PKD1: variants seen among roughly 807,000 people sequenced by gnomAD.
PKD1 encodes the protein polycystin 1, transient receptor potential channel interacting, also known as polycystin-1.
In PKD1, 81 loss-of-function variants were observed where a neutral mutation model predicts 361.7. The observed-to-expected ratio is 0.22, with a 90% CI of 0.19 to 0.27. PKD1 has a LOEUF of 0.27. PKD1 is among the 10% of genes least tolerant of loss of function. The pLI, the probability that PKD1 is intolerant of heterozygous loss-of-function variation, is 1.00. For synonymous variants in PKD1, 3,615 were observed against 2,818.3 expected, an observed-to-expected ratio of 1.28 and a Z score of -8.95; for missense variants, 6,399 against 6,118.3, an observed-to-expected ratio of 1.05 and a Z score of -1.53.
Position 2,135,876 on chromosome 16 carries a change from C to G in PKD1, c.-187G>C. On this transcript the variant is annotated 5_prime_UTR_variant, in exon 1 of 46. Transcript: ENST00000262304. ...GCCGCTCCGGGAGCTCGGCCGCCCG[C>G]TCGGACGCTGGCGCTGCAGTGCGGG... The G allele has an allele frequency of 4.5e-6, 1 of 223,854 alleles. No homozygotes were observed. Among genetic ancestry groups the G allele is most frequent in the Non-Finnish European group, 7.4e-6 (1 of 134,952 alleles). 13.9% of individuals were successfully genotyped at this position (223,854 alleles called of 1,614,324 possible).
Position 2,109,732 on chromosome 16 carries a change from G to A in PKD1, c.5435C>T (p.Pro1812Leu), listed in dbSNP as rs2092451627. The change falls in exon 15 of 46, where the codon CCC (proline) becomes CTC (leucine). Residue 1812 changes from proline (P) to leucine (L), a missense_variant. Pro to Leu is a moderately conservative substitution (Grantham distance 98, BLOSUM62 -3). Transcript: ENST00000262304. ...VSGLSIRASEPGGSFVAAGSS... is the reference protein window; with the variant it reads ...VSGLSIRASELGGSFVAAGSS... ...CCCGGCCGCCACGAAGCTGCCTCCG[G>A]GCTCGCTGGCCCTGATGCTGAGGCC... The A allele has an allele frequency of 6.2e-7, 1 of 1,608,092 alleles. No homozygotes were observed. The highest frequency in any genetic ancestry group is 8.5e-7 in the Non-Finnish European group (1 of 1,178,710).
In PKD1 at chr16:2,088,879, GCGCACACA is replaced by G; in HGVS notation, c.*840_*847del. On this transcript the variant is annotated 3_prime_UTR_variant, in exon 46 of 46. Coordinates refer to ENST00000262304, the MANE Select transcript of PKD1 (RefSeq NM_001009944.3). ...ATACAGCACACTCGCGCGTGCGCGC[GCGCACACA>G]CACACACACACAGTCACCTTCCTCC... 1.5e-5 allele frequency: 7 copies of G among 469,666 alleles called. No individual in the cohort carries two copies. Among genetic ancestry groups the G allele is most frequent in the South Asian group, 2.1e-5 (1 of 47,394 alleles). The allele number at this position is 469,666 out of a possible 1,614,324, so 29.1% of individuals were successfully genotyped here.
intron 11 of PKD1, among the ~76,000 whole-genome samples, chr16:2,113,544 C>T (rs1466099514): frequency 1.3e-5 from 2 of 152,122 alleles, no homozygotes; most frequent in Non-Finnish European, 2.9e-5. Flanking sequence ...GTAAAGCAAA[C>T]CTAGTACCAG....
At position 2,090,809 on chromosome 16, in the gene PKD1, C is replaced by CTG. The variant is rs1357858283; in HGVS notation, c.12004-3_12004-2dup. 5.0e-6 allele frequency: 8 copies of CTG among 1,612,382 alleles called. No individual in the cohort carries two copies. The highest frequency in any genetic ancestry group is 1.6e-4 in the Middle Eastern group (1 of 6,062). ...GCACGAAGCGTAGCTGCTGGGCAGC[C>CTG]TGCGGACGAGAAATCTGTCTGCTTG... On this transcript the variant is annotated splice_acceptor_variant, in intron 43 of 45. Coordinates refer to ENST00000262304, the MANE Select transcript of PKD1 (RefSeq NM_001009944.3). LOFTEE classifies it high-confidence loss of function.
At chr16:2,127,174 A>G (rs1453806024) in intron 1 of PKD1, among the ~76,000 whole-genome samples, 1 of 152,190 alleles carries the variant, frequency 6.6e-6, no homozygotes, top group Admixed American at 6.5e-5. Context: ...TAACAGCAAG[A>G]ATGCAGCGGG....
chr16:2,092,075 A>ACGTCCC lies in PKD1; in HGVS notation c.11377_11382dup (p.Gly3793_Thr3794dup), dbSNP rs760723063. 2 of 1,612,724 alleles carry ACGTCCC rather than the reference A, an allele frequency of 1.2e-6. No homozygotes were observed. The highest frequency in any genetic ancestry group is 8.5e-7 in the Non-Finnish European group (1 of 1,179,978). On this transcript the variant is annotated inframe_insertion, in exon 40 of 46. Coordinates refer to ENST00000262304, the MANE Select transcript of PKD1 (RefSeq NM_001009944.3). The stretch of plus-strand genomic sequence containing the variant: ...AGCAGATCCGGCGCTGAATAGGCCC[A>ACGTCCC]CGTCCCCGAGCCATTGTGAGGACTC...
rs1254431315 is a variant in PKD1 at position 2,100,471 on chromosome 16, G to C, written c.9493C>G (p.Leu3165Val). Residue 3165 changes from leucine (L) to valine (V), a missense_variant, in exon 27 of 46, where the codon CTG becomes GTG. Leu to Val is a conservative substitution (Grantham distance 32). Coordinates refer to ENST00000262304, the MANE Select transcript of PKD1 (RefSeq NM_001009944.3). This position sits in a 1 kb window ranked among gnomAD's most constrained non-coding sequence, Gnocchi z 4.4. ...GGGGTGGCGATCCGGAAGATGTCCA[G>C]GCTGTTGCGGTGGAAGGCTCTGTCG... is the stretch of plus-strand genomic sequence containing the variant. ...DGDRAFHRNSLDIFRIATPHS... is the reference protein window; with the variant it reads ...DGDRAFHRNSVDIFRIATPHS... 2.5e-6 allele frequency: 4 copies of C among 1,610,770 alleles called. No homozygotes were observed. The highest frequency in any genetic ancestry group is 3.4e-6 in the Non-Finnish European group (4 of 1,179,614).
In PKD1 at chr16:2,118,523, A is replaced by C. The variant is rs1168888674; in HGVS notation, c.530-61T>G. Reference sequence around the variant, plus strand: ...CCTCCTGGCTCCACCCCACGCCCCCACATCCGCCCGCCGCACTCACAGGCT... The same window carrying C: ...CCTCCTGGCTCCACCCCACGCCCCCCCATCCGCCCGCCGCACTCACAGGCT... On this transcript the variant is annotated intron_variant, in intron 4 of 45. Coordinates refer to ENST00000262304, the MANE Select transcript of PKD1 (RefSeq NM_001009944.3). The surrounding 1 kb of genome is among the most constrained non-coding windows in gnomAD (Gnocchi z 6.0). 7.1e-7 allele frequency: 1 copy of C among 1,411,950 alleles called. No homozygotes were observed. The highest frequency in any genetic ancestry group is 1.4e-5 in the African/African-American group (1 of 70,464). 87.5% of individuals were successfully genotyped at this position (1,411,950 alleles called of 1,614,324 possible). A position where few individuals can be genotyped will look rare whatever the true frequency, so the allele number is the denominator to read the frequency against.
chr16:2,130,854 C>A (rs915159855), intron 1 of PKD1, among the ~76,000 whole-genome samples: 2 of 152,224 alleles, frequency 1.3e-5, no homozygotes, highest in African/African-American at 4.8e-5. Flanking sequence ...GTGAACCAAG[C>A]ACCTACCAAG....
chr16:2,103,052 C>A (rs1456162753), intron 23 of PKD1, 82 bp from the exon 24 acceptor site: 1 of 1,489,174 alleles, frequency 6.7e-7, no homozygotes, highest in Admixed American at 1.7e-5. Flanking sequence ...CCTGAGCCCA[C>A]CCTCTGCCAC....
chr16:2,113,417 G>C lies in PKD1; in HGVS notation c.2854-125C>G, dbSNP rs567178315. 5.6e-6 allele frequency: 6 copies of C among 1,078,970 alleles called. No individual in the cohort carries two copies. In the South Asian group the frequency reaches 6.9e-5, roughly 12 times the overall value. The allele number at this position is 1,078,970 out of a possible 1,614,324, so 66.8% of individuals were successfully genotyped here. A position where few individuals can be genotyped will look rare whatever the true frequency, so the allele number is the denominator to read the frequency against. On this transcript the variant is annotated intron_variant, in intron 11 of 45. Transcript: ENST00000262304. Reference sequence around the variant, plus strand: ...GGGGCACAGAGGAGAGGAGGTGCCCGGGGCTCTGCATGCCATGGGAGCCAA... The same window carrying C: ...GGGGCACAGAGGAGAGGAGGTGCCCCGGGCTCTGCATGCCATGGGAGCCAA...
At position 2,106,237 on chromosome 16, in the gene PKD1, C is replaced by G. The variant is rs1367340886; in HGVS notation, c.7557G>C (p.Gln2519His). 6.2e-7 allele frequency: 1 copy of G among 1,610,226 alleles called. No homozygotes were observed. The highest frequency in any genetic ancestry group is 1.7e-5 in the Admixed American group (1 of 59,996). The change falls in exon 19 of 46, where the codon CAG (glutamine) becomes CAC (histidine). Residue 2519 changes from glutamine to histidine, a missense_variant. Gln to His is a conservative substitution (Grantham distance 24). Transcript: ENST00000262304. The surrounding 1 kb of genome is among the most constrained non-coding windows in gnomAD (Gnocchi z 6.5). ...VYALLLRRCR[Q>H]GHCEEFCVYK... ...AGACACAGAACTCCTCGCAGTGGCC[C>G]TGGCGACAGCGCCGCAGCAGCAGGG...
chr16:2,124,800 G>A (rs1278800931), intron 1 of PKD1, among the ~76,000 whole-genome samples: 2 of 152,260 alleles, frequency 1.3e-5, no homozygotes, highest in Non-Finnish European at 2.9e-5. Context: ...TGGGCTGGGG[G>A]GACCGGCTCG....
chr16:2,111,683 C>T lies in PKD1; in HGVS notation c.3484G>A (p.Asp1162Asn), dbSNP rs537732342. 1.9e-6 allele frequency: 3 copies of T among 1,580,032 alleles called. No homozygotes were observed. In the African/African-American group the frequency reaches 4.0e-5, roughly 21 times the overall value. ...PSPGGVLYTW[D>N]FGDGSPVLTQ... ...AGGACAGGGGAGCCGTCCCCGAAGT[C>T]CCACGTGTAAAGAACACCCCCAGGC... The change falls in exon 15 of 46, where the codon GAC becomes AAC. Residue 1162 changes from aspartate to asparagine, a missense_variant. Transcript: ENST00000262304.
Position 2,102,573 on chromosome 16 carries a change from C to T in PKD1, c.9009G>A (p.Ala3003=), listed in dbSNP as rs374619113. The change falls in exon 25 of 46, where the codon GCG becomes GCA. Residue 3003 remains alanine, a synonymous_variant. Transcript: ENST00000262304. The part of the protein sequence containing the change: ...LNLSSHFRWS[A]LQVSVGLYTS... ...TGTACAGGCCCACGGACACCTGCAG[C>T]GCCGACCAGCGGAAGTGGCTGGAGA... is the stretch of plus-strand genomic sequence containing the variant. 241 of 1,611,008 alleles carry T rather than the reference C, an allele frequency of 1.5e-4. No individual in the cohort carries two copies. The Middle Eastern group carries it at 1.6e-3, about 11-fold the overall frequency.
Position 2,108,612 on chromosome 16 carries a change from G to A in PKD1, c.6555C>T (p.Tyr2185=), listed in dbSNP as rs755972713. ...TGGCGGTGCGATACACCTCCCAGCG[G>A]TACTCAGTCTGGTAGGTGACGCAGT... is the stretch of plus-strand genomic sequence containing the variant. The part of the protein sequence containing the change: ...LRDCVTYQTE[Y]RWEVYRTASC... The change falls in exon 15 of 46, where the codon TAC becomes TAT. Residue 2185 remains tyrosine, a synonymous_variant. Coordinates refer to ENST00000262304, the MANE Select transcript of PKD1 (RefSeq NM_001009944.3). 6.4e-7 allele frequency: 1 copy of A among 1,559,108 alleles called. No individual in the cohort carries two copies. The highest frequency in any genetic ancestry group is 8.7e-7 in the Non-Finnish European group (1 of 1,152,374).
Position 2,108,376 on chromosome 16 carries a change from G to A in PKD1, c.6791C>T (p.Ser2264Leu), listed in dbSNP as rs1258845914. ...CCGTGTGTCTGACCACACGCGGTAT[G>A]AGCCACCCTCAATGATGGGCACCAG... is the stretch of plus-strand genomic sequence containing the variant. Reference protein sequence around the residue: ...ERLVPIIEGGSYRVWSDTRDL... With the variant: ...ERLVPIIEGGLYRVWSDTRDL... The change falls in exon 15 of 46, where the codon TCA (serine) becomes TTA (leucine). Residue 2264 changes from serine to leucine, a missense_variant. Ser to Leu is a moderately radical substitution (Grantham distance 145, BLOSUM62 -2). Transcript: ENST00000262304. 12 of 1,610,444 alleles carry A rather than the reference G, an allele frequency of 7.5e-6. No individual in the cohort carries two copies. The highest frequency in any genetic ancestry group is 1.0e-5 in the Non-Finnish European group (12 of 1,179,748).
At chr16:2,124,886 C>A (rs1461297710) in intron 1 of PKD1, among the ~76,000 whole-genome samples, 2 of 152,200 alleles carry the variant, frequency 1.3e-5, no homozygotes, top group East Asian at 3.9e-4. Context: ...CCCAGGGAGG[C>A]CCCATGCCCC....
chr16:2,088,832 G>T lies in PKD1; in HGVS notation c.*895C>A. The T allele has an allele frequency of 1.6e-6, 1 of 619,152 alleles. No homozygotes were observed. Among genetic ancestry groups the T allele is most frequent in the Non-Finnish European group, 2.8e-6 (1 of 359,048 alleles). The allele number at this position is 619,152 out of a possible 1,614,324, so 38.4% of individuals were successfully genotyped here. A position where few individuals can be genotyped will look rare whatever the true frequency, so the allele number is the denominator to read the frequency against. Reference sequence around the variant, plus strand: ...CAGAAGCAGGCACAGCCAGCTCCGAGGGCCTTGAGGCTGCCTGGGCCATAC... The same window carrying T: ...CAGAAGCAGGCACAGCCAGCTCCGATGGCCTTGAGGCTGCCTGGGCCATAC... On this transcript the variant is annotated 3_prime_UTR_variant, in exon 46 of 46. Coordinates refer to ENST00000262304, the MANE Select transcript of PKD1 (RefSeq NM_001009944.3).
Sources: allele counts gnomAD v4.1 joint callset (sites outside exome capture counted in the v4.1 genomes callset), GRCh38; gene constraint gnomAD v4.1.1; non-coding constraint Gnocchi (gnomAD v3.1); transcripts MANE v1.5; gene names NCBI Gene and HGNC (gene_info 2026-07-23, HGNC 2026-07-21).